HMGCLL1: variants seen among roughly 807,000 people sequenced by gnomAD.
The protein encoded by HMGCLL1 is 3-hydroxymethyl-3-methylglutaryl-CoA lyase, cytoplasmic.
In HMGCLL1, 36 loss-of-function variants were observed where a neutral mutation model predicts 39.1. That is an observed-to-expected ratio of 0.92 (90% CI 0.71 to 1.22). The LOEUF (loss-of-function observed/expected upper bound fraction) is 1.22, where lower values mean the gene tolerates loss of function less well. HMGCLL1 is among the 50% of genes most tolerant of loss of function. The pLI is 0.00. For missense variants in HMGCLL1, 451 were observed against 416.5 expected, an observed-to-expected ratio of 1.08 and a Z score of -0.72; for synonymous variants, 149 against 144.0, an observed-to-expected ratio of 1.03 and a Z score of -0.25.
the HMGCLL1 span, among the ~76,000 whole-genome samples, chr6:55,643,193 T>A: frequency 6.6e-6 from 1 of 152,084 alleles, no homozygotes; most frequent in South Asian, 2.1e-4. Flanking sequence ...TAATACTGTT[T>A]TTAGCTCTTT....
intron 3 of HMGCLL1, among the ~76,000 whole-genome samples, chr6:55,519,351 G>T (rs1767914568): frequency 6.6e-6 from 1 of 151,968 alleles, no homozygotes; most frequent in African/African-American, 2.4e-5. Flanking sequence ...AAAATGAAGA[G>T]GACACAGTGG....
chr6:55,476,683 A>T (rs750328254), intron 7 of HMGCLL1, among the ~76,000 whole-genome samples: 52 of 151,818 alleles, frequency 3.4e-4, no homozygotes, highest in Non-Finnish European at 4.7e-4. Context: ...TTGGTTTTAT[A>T]TGTTAAACTA....
chr6:55,656,140 A>G, the HMGCLL1 span, among the ~76,000 whole-genome samples: 520 of 152,076 alleles, frequency 3.4e-3, 2 homozygotes, highest in African/African-American at 0.012. Context: ...CTCAACTTTA[A>G]TATATTCAAA....
the HMGCLL1 span, among the ~76,000 whole-genome samples, chr6:55,593,099 C>A: frequency 9.2e-5 from 14 of 152,134 alleles, no homozygotes; most frequent in East Asian, 2.7e-3. Context: ...CCTTATTCCC[C>A]TCATCCTGTT....
chr6:55,464,516 A>G (rs1764714838), intron 7 of HMGCLL1, among the ~76,000 whole-genome samples: 1 of 152,162 alleles, frequency 6.6e-6, no homozygotes, highest in Admixed American at 6.5e-5. Context: ...ATTGCATGAC[A>G]ATAATTAGCC....
At chr6:55,478,875 G>A (rs1023909992) in intron 7 of HMGCLL1, among the ~76,000 whole-genome samples, 1 of 150,980 alleles carries the variant, frequency 6.6e-6, no homozygotes, top group Non-Finnish European at 1.5e-5. Flanking sequence ...ATGGTAAATG[G>A]ATACATTAAA....
At chr6:55,542,639 C>G (rs912672539) in intron 1 of HMGCLL1, among the ~76,000 whole-genome samples, 1 of 151,302 alleles carries the variant, frequency 6.6e-6, no homozygotes, top group Non-Finnish European at 1.5e-5. Context: ...ATTAACTGGG[C>G]ATAGTGGTGG....
chr6:55,465,408 G>T (rs986813544), intron 7 of HMGCLL1, among the ~76,000 whole-genome samples: 4 of 151,918 alleles, frequency 2.6e-5, no homozygotes, highest in Non-Finnish European at 4.4e-5. Flanking sequence ...TAGATAATAA[G>T]TCATTTGCAG....
the HMGCLL1 span, among the ~76,000 whole-genome samples, chr6:55,628,809 A>G: frequency 6.3e-4 from 96 of 152,110 alleles, no homozygotes; most frequent in Admixed American, 1.2e-3. Context: ...TATAAGAAGG[A>G]GTTTCCATGC....
the HMGCLL1 span, among the ~76,000 whole-genome samples, chr6:55,650,133 A>ATAT: frequency 4.9e-3 from 331 of 67,200 alleles, 6 homozygotes; most frequent in South Asian, 8.0e-3. Context: ...ATATATATAT[A>ATAT]TACACACACA....
chr6:55,579,276 G>T, upstream of HMGCLL1: 1 of 586,782 alleles, frequency 1.7e-6, no homozygotes, highest in Non-Finnish European at 3.0e-6. Flanking sequence ...GGCACCTGCG[G>T]GAATCGACAG....
Position 55,542,051 on chromosome 6 carries a change from TA to T in HMGCLL1, c.189+8del. On this transcript the variant is annotated splice_region_variant and intron_variant, in intron 2 of 8. Transcript: ENST00000274901. ...TAGACAGCATTTGAAGTAAATGATG[TA>T]AAACTACCTTTTCATTCTGCAATCC... 1 of 1,559,454 alleles carries T rather than the reference TA, an allele frequency of 6.4e-7. No homozygotes were observed. The highest frequency in any genetic ancestry group is 8.8e-7 in the Non-Finnish European group (1 of 1,133,024).
intron 7 of HMGCLL1, among the ~76,000 whole-genome samples, chr6:55,489,422 T>C (rs1766202944): frequency 6.6e-6 from 1 of 151,922 alleles, no homozygotes. Context: ...AAGAATCATA[T>C]CATTTTCTGG....
At chr6:55,610,452 T>A in the HMGCLL1 span, among the ~76,000 whole-genome samples, 1 of 151,938 alleles carries the variant, frequency 6.6e-6, no homozygotes, top group Non-Finnish European at 1.5e-5. Context: ...AAGACTATCT[T>A]GCTGAAATAA....
At chr6:55,496,469 T>A (rs939187445) in intron 6 of HMGCLL1, among the ~76,000 whole-genome samples, 1 of 152,170 alleles carries the variant, frequency 6.6e-6, no homozygotes, top group East Asian at 1.9e-4. Flanking sequence ...AGCCACCTCC[T>A]GTTGCTATTC....
intron 7 of HMGCLL1, among the ~76,000 whole-genome samples, chr6:55,481,799 T>A (rs1765763611): frequency 6.6e-6 from 1 of 152,154 alleles, no homozygotes. Context: ...TCTATCTATC[T>A]ACCTACCTAC....
intron 5 of HMGCLL1, 143 bp downstream of exon 5, chr6:55,513,905 T>A: frequency 1.5e-6 from 1 of 684,056 alleles, no homozygotes; most frequent in Admixed American, 3.1e-5. Context: ...TGTAACTATA[T>A]AGTGATTACC....
the HMGCLL1 span, among the ~76,000 whole-genome samples, chr6:55,656,430 C>A: frequency 1.3e-5 from 2 of 151,984 alleles, no homozygotes; most frequent in East Asian, 1.9e-4. Context: ...AGCTCCCATG[C>A]AGTTATGTGG....
chr6:55,553,912 T>G (rs960515866), intron 1 of HMGCLL1, among the ~76,000 whole-genome samples: 1 of 152,162 alleles, frequency 6.6e-6, no homozygotes, highest in Non-Finnish European at 1.5e-5. Flanking sequence ...AGCAAGGAGC[T>G]CAAAACACTT....
Sources: allele counts gnomAD v4.1 joint callset (sites outside exome capture counted in the v4.1 genomes callset), GRCh38; gene constraint gnomAD v4.1.1; transcripts MANE v1.5; gene names NCBI Gene and HGNC (gene_info 2026-07-23, HGNC 2026-07-21).